The following CPE variants were observed in gnomAD, a reference collection of about 807,000 sequenced individuals.
The protein encoded by CPE is carboxypeptidase E.
CPE carries 17 observed loss-of-function variants against 53.5 expected under a neutral mutation model. The ratio of observed to expected loss-of-function variants is 0.32; its 90% CI spans 0.22 to 0.48. The LOEUF is 0.48. Ranked by LOEUF, CPE falls within the 20% of genes least tolerant of loss-of-function variation. CPE has a pLI of 0.99. For missense variants in CPE, 524 were observed against 614.7 expected (o/e 0.85, Z 1.56); for synonymous variants, 226 against 228.8 (o/e 0.99, Z 0.11).
At chr4:165,479,121 GAAT>G (rs1732356050) in intron 3 of CPE, among the ~76,000 whole-genome samples, 1 of 152,128 alleles carries the variant, frequency 6.6e-6, no homozygotes, top group Admixed American at 6.5e-5. Context: ...CTTTTGAATA[GAAT>G]ATTATAGAAG....
chr4:165,455,748 G>A (rs1731890756), intron 1 of CPE, among the ~76,000 whole-genome samples: 1 of 151,890 alleles, frequency 6.6e-6, no homozygotes, highest in African/African-American at 2.4e-5. Flanking sequence ...TGCCTCCTGG[G>A]TTCAAGTGAT....
chr4:165,403,168 C>G (rs1032567380), intron 1 of CPE, among the ~76,000 whole-genome samples: 1 of 152,074 alleles, frequency 6.6e-6, no homozygotes, highest in Non-Finnish European at 1.5e-5. Flanking sequence ...TCTTTCATAG[C>G]TCTGTAAAAC....
At chr4:165,398,079 C>T (rs1730801449) in intron 1 of CPE, among the ~76,000 whole-genome samples, 1 of 150,588 alleles carries the variant, frequency 6.6e-6, no homozygotes, top group African/African-American at 2.4e-5. Context: ...AAACAAAACC[C>T]CACTAAGGTT....
intron 4 of CPE, among the ~76,000 whole-genome samples, chr4:165,483,001 G>GTT (rs546229382): frequency 8.6e-5 from 12 of 139,814 alleles, no homozygotes; most frequent in African/African-American, 3.1e-4. Flanking sequence ...TGATTAGTTT[G>GTT]TTTTTTTTTT....
At chr4:165,398,051 T>TAAAAAA (rs397955897) in intron 1 of CPE, among the ~76,000 whole-genome samples, 2 of 92,222 alleles carry the variant, frequency 2.2e-5, no homozygotes, top group African/African-American at 3.8e-5. Flanking sequence ...TCCTCATTTC[T>TAAAAAA]AAAAAAAAAA....
At chr4:165,391,906 C>A (rs547599631) in intron 1 of CPE, among the ~76,000 whole-genome samples, 1 of 151,968 alleles carries the variant, frequency 6.6e-6, no homozygotes, top group South Asian at 2.1e-4. Context: ...TTAAAAGATG[C>A]ATAAGGTATG....
In CPE at chr4:165,474,458, A is replaced by G. The variant is rs565221803; in HGVS notation, c.672+6603A>G. On this transcript the variant is annotated intron_variant, in intron 3 of 8. Transcript: ENST00000402744. ...CATCTGTAAAGAGGGAACAGAGGAG[A>G]AAAAAAAGGAAAAAGGAAAACAAAG... is the stretch of plus-strand genomic sequence containing the variant. Among the ~76,000 whole-genome samples, 340 of 152,114 alleles carry G rather than the reference A, an allele frequency of 2.2e-3. 2 individuals carry two copies. The highest frequency in any genetic ancestry group is 3.6e-3 in the Non-Finnish European group (244 of 67,972).
At chr4:165,497,444 T>C in intron 8 of CPE, 68 bp from the exon 9 acceptor site, 1 of 898,684 alleles carries the variant, frequency 1.1e-6, no homozygotes, top group African/African-American at 1.7e-5. Context: ...ACTGCTCTTA[T>C]TTTTTTATTT....
intron 3 of CPE, among the ~76,000 whole-genome samples, chr4:165,475,482 T>C (rs981271186): frequency 1.1e-4 from 17 of 152,118 alleles, no homozygotes; most frequent in African/African-American, 3.9e-4. Flanking sequence ...GCAAGAGCCA[T>C]GGGCACACAA....
chr4:165,490,058 G>A (rs1271278238), intron 6 of CPE, among the ~76,000 whole-genome samples: 2 of 152,252 alleles, frequency 1.3e-5, no homozygotes, highest in Non-Finnish European at 2.9e-5. Context: ...GAAGTTCTGT[G>A]TTGTAATTGT....
At chr4:165,404,663 C>A in intron 1 of CPE, 1 of 1,044,792 alleles carries the variant, frequency 9.6e-7, no homozygotes, top group Non-Finnish European at 1.5e-6. Context: ...TGGGTCAACT[C>A]CTTCCTGGAG....
intron 1 of CPE, among the ~76,000 whole-genome samples, chr4:165,443,100 G>A (rs932362599): frequency 1.6e-4 from 24 of 152,138 alleles, no homozygotes; most frequent in Admixed American, 3.3e-4. Context: ...ACAAAAACAC[G>A]GGCATCTCTT....
intron 1 of CPE, among the ~76,000 whole-genome samples, chr4:165,421,974 AAAAG>A (rs1306467907): frequency 6.6e-6 from 1 of 152,210 alleles, no homozygotes; most frequent in Non-Finnish European, 1.5e-5. Context: ...GAATACTAAA[AAAAG>A]GGCAAATAAG....
At chr4:165,478,853 G>A (rs188712690) in intron 3 of CPE, among the ~76,000 whole-genome samples, 29 of 152,224 alleles carry the variant, frequency 1.9e-4, no homozygotes, top group Non-Finnish European at 3.4e-4. Flanking sequence ...GATGGGCCAT[G>A]GGTACTTCCA....
intron 1 of CPE, among the ~76,000 whole-genome samples, chr4:165,401,837 G>T (rs554530287): frequency 2.5e-4 from 38 of 152,290 alleles, no homozygotes; most frequent in African/African-American, 9.1e-4. Flanking sequence ...AGCATAGAAT[G>T]ATTCTGTGGA....
At chr4:165,475,773 G>A (rs1356737732) in intron 3 of CPE, among the ~76,000 whole-genome samples, 1 of 152,086 alleles carries the variant, frequency 6.6e-6, no homozygotes, top group Admixed American at 6.6e-5. Flanking sequence ...GGCCATTAGT[G>A]TCTGAGTTCT....
At chr4:165,406,920 C>T (rs1247270439) in intron 1 of CPE, among the ~76,000 whole-genome samples, 2 of 152,188 alleles carry the variant, frequency 1.3e-5, no homozygotes. Context: ...TCAAGGTTCA[C>T]CCATGTTGTA....
chr4:165,405,127 T>C (rs1226322131), intron 1 of CPE: 2 of 754,694 alleles, frequency 2.7e-6, no homozygotes, highest in Admixed American at 1.8e-5. Flanking sequence ...CTTTCTTCTT[T>C]ACTTTGTCAT....
intron 3 of CPE, among the ~76,000 whole-genome samples, chr4:165,470,615 AG>A (rs2126704475): frequency 6.6e-6 from 1 of 152,240 alleles, no homozygotes; most frequent in East Asian, 1.9e-4. Context: ...TATGTTACAG[AG>A]GCAGTTTAAC....
Sources: gnomAD v4.1 joint callset for allele counts (sites outside exome capture counted in the v4.1 genomes callset) on GRCh38, gnomAD v4.1.1 for gene constraint, MANE v1.5 for transcripts, NCBI Gene and HGNC (gene_info 2026-07-23, HGNC 2026-07-21) for gene names.